TBC1D5: variants seen among roughly 807,000 people sequenced by gnomAD.
The protein encoded by TBC1D5 is TBC1 domain family, member 5.
A neutral mutation model predicts 100.3 loss-of-function variants in TBC1D5; 75 were observed. The ratio of observed to expected loss-of-function variants is 0.75; its 90% CI spans 0.62 to 0.91. TBC1D5 has a LOEUF of 0.91. Among genes scored for constraint, TBC1D5 ranks in the 40% least tolerant of loss-of-function variants. The probability of loss-of-function intolerance (pLI) is 0.00; values close to 1 mark genes in which losing one functional copy is unlikely to be tolerated. For missense variants in TBC1D5, 910 were observed against 942.4 expected, an observed-to-expected ratio of 0.97 and a Z score of 0.45; for synonymous variants, 323 against 325.6, an observed-to-expected ratio of 0.99 and a Z score of 0.09.
chr3:17,285,248 CTTTTTTTTTTTTTTTTTT>C (rs373843978), intron 15 of TBC1D5, among the ~76,000 whole-genome samples: 55,346 of 109,522 alleles, frequency 0.51, 12,019 homozygotes, highest in Middle Eastern at 0.62. Context: ...ATTTTAGATT[CTTTTTTTTTTTTTTTTTT>C]TTTTTTTTTT....
chr3:17,372,844 A>G (rs1476924938), intron 12 of TBC1D5, among the ~76,000 whole-genome samples: 2 of 152,162 alleles, frequency 1.3e-5, no homozygotes, highest in African/African-American at 4.8e-5. Context: ...ACCTTCTACA[A>G]CCCTTTTAGA....
At chr3:17,731,400 G>A (rs1204502414) in intron 1 of TBC1D5, among the ~76,000 whole-genome samples, 1 of 151,680 alleles carries the variant, frequency 6.6e-6, no homozygotes, top group African/African-American at 2.4e-5. Context: ...ACTCTACTCA[G>A]GAGGCTGAGG....
chr3:17,210,029 T>C (rs2072744530), intron 18 of TBC1D5, among the ~76,000 whole-genome samples: 1 of 152,274 alleles, frequency 6.6e-6, no homozygotes, highest in East Asian at 1.9e-4. Context: ...TTAGTTTATG[T>C]CCTCATTTTT....
At chr3:17,308,935 GA>G (rs918911353) in intron 13 of TBC1D5, among the ~76,000 whole-genome samples, 3 of 151,794 alleles carry the variant, frequency 2.0e-5, no homozygotes, top group East Asian at 1.9e-4. Context: ...ATTCTTATAA[GA>G]AAAAAATTTG....
intron 13 of TBC1D5, among the ~76,000 whole-genome samples, chr3:17,350,780 A>G (rs749972988): frequency 6.6e-6 from 1 of 152,162 alleles, no homozygotes; most frequent in Non-Finnish European, 1.5e-5. Flanking sequence ...TTAGGTGTGC[A>G]TTAGACAACC....
chr3:17,586,161 G>A (rs79533642), intron 2 of TBC1D5, among the ~76,000 whole-genome samples: 1 of 152,152 alleles, frequency 6.6e-6, no homozygotes, highest in South Asian at 2.1e-4. Context: ...GACAGAAACA[G>A]ATCAGGAAAC....
At chr3:17,168,174 G>C (rs2066830018) in intron 19 of TBC1D5, among the ~76,000 whole-genome samples, 1 of 152,140 alleles carries the variant, frequency 6.6e-6, no homozygotes, top group Non-Finnish European at 1.5e-5. Flanking sequence ...TTTTCAGCCT[G>C]GGCTTCCTGT....
intron 1 of TBC1D5, among the ~76,000 whole-genome samples, chr3:17,647,283 C>T (rs2065100070): frequency 6.6e-6 from 1 of 152,066 alleles, no homozygotes; most frequent in Non-Finnish European, 1.5e-5. Context: ...AGTTCCTACC[C>T]TCATGAAGCT....
intron 1 of TBC1D5, among the ~76,000 whole-genome samples, chr3:17,678,775 GA>G (rs2069038999): frequency 6.8e-6 from 1 of 147,552 alleles, no homozygotes; most frequent in South Asian, 2.1e-4. Context: ...TTAAAAAAAT[GA>G]ATAAAACCCA....
intron 13 of TBC1D5, among the ~76,000 whole-genome samples, chr3:17,336,671 G>A (rs2087866699): frequency 6.6e-6 from 1 of 151,660 alleles, no homozygotes; most frequent in Non-Finnish European, 1.5e-5. Flanking sequence ...GGCCCTAATT[G>A]TGTCACAGTG....
chr3:17,583,255 G>A lies in TBC1D5; in HGVS notation c.-36+40594C>T, dbSNP rs562319112. On this transcript the variant is annotated intron_variant, in intron 2 of 21. Transcript: ENST00000253692. The stretch of plus-strand genomic sequence containing the variant: ...GGCTGAGATCATGCCACTGCACTCT[G>A]GCCTGGGAGACAGAGTGACACCCAA... 8.6e-5 allele frequency among the ~76,000 whole-genome samples: 13 copies of A among 151,948 alleles called. No homozygotes were observed. The South Asian group carries it at 1.9e-3, about 22-fold the overall frequency.
intron 2 of TBC1D5, among the ~76,000 whole-genome samples, chr3:17,599,422 G>C (rs563599105): frequency 6.6e-6 from 1 of 152,040 alleles, no homozygotes; most frequent in Admixed American, 6.6e-5. Flanking sequence ...GGCTGGGGGC[G>C]GTTGAACTCC....
At chr3:17,620,001 C>G (rs2062515849) in intron 2 of TBC1D5, among the ~76,000 whole-genome samples, 1 of 152,214 alleles carries the variant, frequency 6.6e-6, no homozygotes. Context: ...GGAAGTTTCA[C>G]CATGCACTCT....
chr3:17,599,144 G>A (rs1182463572), intron 2 of TBC1D5, among the ~76,000 whole-genome samples: 1 of 152,186 alleles, frequency 6.6e-6, no homozygotes, highest in Non-Finnish European at 1.5e-5. Context: ...ACAGGAGGCA[G>A]GGAAGTACTA....
intron 3 of TBC1D5, among the ~76,000 whole-genome samples, chr3:17,454,745 C>A (rs919209755): frequency 6.6e-6 from 1 of 152,090 alleles, no homozygotes; most frequent in African/African-American, 2.4e-5. Context: ...CAGGCATGAG[C>A]CACCGTGGCC....
intron 13 of TBC1D5, among the ~76,000 whole-genome samples, chr3:17,364,693 AG>A (rs1387226883): frequency 6.6e-6 from 1 of 152,178 alleles, no homozygotes; most frequent in African/African-American, 2.4e-5. Context: ...ATTTATGTAT[AG>A]TACCATAACT....
chr3:17,619,734 A>G (rs1033020165), intron 2 of TBC1D5, among the ~76,000 whole-genome samples: 4 of 152,222 alleles, frequency 2.6e-5, no homozygotes, highest in Non-Finnish European at 5.9e-5. Flanking sequence ...TACAGATATA[A>G]AATTTCGCAG....
chr3:17,229,187 C>T (rs920577401), intron 17 of TBC1D5, among the ~76,000 whole-genome samples: 1 of 152,060 alleles, frequency 6.6e-6, no homozygotes, highest in Non-Finnish European at 1.5e-5. Context: ...AACCTGGGAA[C>T]CCCTGTTCTG....
intron 1 of TBC1D5, among the ~76,000 whole-genome samples, chr3:17,689,786 C>T (rs1237456590): frequency 6.6e-6 from 1 of 152,060 alleles, no homozygotes; most frequent in Non-Finnish European, 1.5e-5. Context: ...TAGGTTGTTC[C>T]AAATGAGAAA....
Sources: gnomAD v4.1 joint callset for allele counts (sites outside exome capture counted in the v4.1 genomes callset) on GRCh38, gnomAD v4.1.1 for gene constraint, MANE v1.5 for transcripts, NCBI Gene and HGNC (gene_info 2026-07-23, HGNC 2026-07-21) for gene names.